The following DLG2 variants were observed in gnomAD, a reference collection of about 807,000 sequenced individuals.
The protein encoded by DLG2 is discs large MAGUK scaffold protein 2, also known as disks large homolog 2.
Under a neutral mutation model 132.5 loss-of-function variants are expected in DLG2, and 45 were observed. That is an observed-to-expected ratio of 0.34 (90% CI 0.27 to 0.44). DLG2 has a LOEUF of 0.44. DLG2 is among the 20% of genes least tolerant of loss of function. The pLI is 1.00. For missense variants in DLG2, 1,045 were observed against 1,196.9 expected (o/e 0.87, Z 1.87); for synonymous variants, 424 against 419.6 (o/e 1.01, Z -0.13).
At chr11:84,641,964 T>A (rs2099667063) in intron 6 of DLG2, among the ~76,000 whole-genome samples, 1 of 150,418 alleles carries the variant, frequency 6.6e-6, no homozygotes, top group South Asian at 2.1e-4. Context: ...CGTATATATG[T>A]ATATATATGT....
intron 6 of DLG2, among the ~76,000 whole-genome samples, chr11:84,852,823 T>C (rs1433593461): frequency 6.6e-6 from 1 of 151,276 alleles, no homozygotes; most frequent in East Asian, 1.9e-4. Flanking sequence ...GAGAACAGTT[T>C]AATCTTCAAA....
chr11:85,378,557 T>C (rs1230081948), intron 3 of DLG2, among the ~76,000 whole-genome samples: 2 of 152,096 alleles, frequency 1.3e-5, no homozygotes, highest in African/African-American at 4.8e-5. Flanking sequence ...AGCTGTTAAA[T>C]ATATATATAG....
intron 15 of DLG2, among the ~76,000 whole-genome samples, chr11:83,923,773 A>T (rs12796031): frequency 0.1 from 15,668 of 152,092 alleles, 875 homozygotes; most frequent in Non-Finnish European, 0.12. Context: ...CTGCTCTATA[A>T]TATAATACTA....
At chr11:84,510,123 T>TATTATTATTATG (rs1554982195) in intron 7 of DLG2, among the ~76,000 whole-genome samples, 7 of 147,454 alleles carry the variant, frequency 4.7e-5, no homozygotes, top group East Asian at 4.0e-4. Flanking sequence ...TTATTATTAT[T>TATTATTATTATG]ATGTTAATCA....
At chr11:84,938,510 T>C (rs1457776835) in intron 6 of DLG2, among the ~76,000 whole-genome samples, 1 of 152,214 alleles carries the variant, frequency 6.6e-6, no homozygotes, top group Non-Finnish European at 1.5e-5. Context: ...GAAAGTCTTA[T>C]ATTTCCCACT....
chr11:83,843,477 C>T (rs1346928709), intron 16 of DLG2, among the ~76,000 whole-genome samples: 1 of 152,206 alleles, frequency 6.6e-6, no homozygotes, highest in African/African-American at 2.4e-5. Context: ...ATTTACCCAT[C>T]CATCTATGCT....
chr11:85,506,915 T>C (rs140173421), intron 3 of DLG2, among the ~76,000 whole-genome samples: 3,533 of 152,292 alleles, frequency 0.023, 131 homozygotes, highest in African/African-American at 0.079. Context: ...ATTGGGTGCA[T>C]ATATATTTAG....
At chr11:85,227,453 T>C (rs2075043116) in intron 4 of DLG2, among the ~76,000 whole-genome samples, 1 of 151,996 alleles carries the variant, frequency 6.6e-6, no homozygotes, top group African/African-American at 2.4e-5. Context: ...TAAAAATAAA[T>C]AGGAAAAGAT....
chr11:84,941,370 T>C (rs2049398306), intron 6 of DLG2, among the ~76,000 whole-genome samples: 1 of 152,210 alleles, frequency 6.6e-6, no homozygotes, highest in African/African-American at 2.4e-5. Flanking sequence ...TCCATGAACA[T>C]GGAATATCTT....
chr11:84,681,938 G>A (rs571511152), intron 6 of DLG2, among the ~76,000 whole-genome samples: 1 of 152,192 alleles, frequency 6.6e-6, no homozygotes, highest in South Asian at 2.1e-4. Context: ...AGGGCTTCAG[G>A]CTGCTTGTAC....
At chr11:85,020,290 C>G (rs1311026681) in intron 6 of DLG2, among the ~76,000 whole-genome samples, 1 of 152,094 alleles carries the variant, frequency 6.6e-6, no homozygotes, top group South Asian at 2.1e-4. Context: ...TGTTCATGTC[C>G]TTTGCCCACT....
intron 6 of DLG2, among the ~76,000 whole-genome samples, chr11:84,998,057 C>A (rs1370272354): frequency 6.6e-6 from 1 of 151,986 alleles, no homozygotes; most frequent in East Asian, 1.9e-4. Context: ...TTTATTATTT[C>A]TTTTTCTTCG....
intron 6 of DLG2, among the ~76,000 whole-genome samples, chr11:85,068,760 C>T (rs1038446847): frequency 6.6e-6 from 1 of 152,130 alleles, no homozygotes; most frequent in African/African-American, 2.4e-5. Context: ...CCATCCCCAT[C>T]AAGCTACCAA....
intron 6 of DLG2, among the ~76,000 whole-genome samples, chr11:84,987,964 C>A (rs2154123281): frequency 6.6e-6 from 1 of 152,256 alleles, no homozygotes; most frequent in African/African-American, 2.4e-5. Flanking sequence ...AAGGAATGGT[C>A]AGCAGAGTAA....
chr11:84,350,554 T>C (rs185160879), intron 7 of DLG2, among the ~76,000 whole-genome samples: 8 of 152,266 alleles, frequency 5.3e-5, no homozygotes, highest in East Asian at 1.9e-4. Flanking sequence ...ATTCATGCCA[T>C]TGTCAATACT....
chr11:85,553,477 C>T (rs1289390173), intron 3 of DLG2, among the ~76,000 whole-genome samples: 3 of 150,922 alleles, frequency 2.0e-5, no homozygotes, highest in Non-Finnish European at 3.0e-5. Context: ...ACACCATGCC[C>T]GGCTAATCTG....
rs534173237 is a variant in DLG2, at chr11:83,573,732, C to T, written c.1941-31874G>A. Among the ~76,000 whole-genome samples the T allele has an allele frequency of 7.9e-5, 12 of 152,192 alleles. No homozygotes were observed. The South Asian group carries it at 2.5e-3, about 32-fold the overall frequency. ...AAAATGTAGGAAACTTTTATTTATACTAAGCAAACTGAGCCCTGGTATTAT... is the reference window on the plus strand; with the variant it reads ...AAAATGTAGGAAACTTTTATTTATATTAAGCAAACTGAGCCCTGGTATTAT... On this transcript the variant is annotated intron_variant, in intron 19 of 27. Transcript: ENST00000376104.
intron 3 of DLG2, among the ~76,000 whole-genome samples, chr11:85,569,533 T>A (rs1410060535): frequency 2.6e-5 from 4 of 152,232 alleles, no homozygotes; most frequent in Admixed American, 2.6e-4. Context: ...TTTCCACATT[T>A]CCTTCTGTTA....
At chr11:84,270,468 G>A (rs1319213396) in intron 7 of DLG2, among the ~76,000 whole-genome samples, 1 of 152,176 alleles carries the variant, frequency 6.6e-6, no homozygotes. Flanking sequence ...AGACTGTTTT[G>A]AGCAGCACTA....
Sources: gnomAD v4.1 joint callset for allele counts (sites outside exome capture counted in the v4.1 genomes callset) on GRCh38, gnomAD v4.1.1 for gene constraint, MANE v1.5 for transcripts, NCBI Gene and HGNC (gene_info 2026-07-23, HGNC 2026-07-21) for gene names.